Variants in SCLT1 observed in about 807,000 individuals in gnomAD.
The protein encoded by SCLT1 is sodium channel-associated protein 1.
A neutral mutation model predicts 112.8 loss-of-function variants in SCLT1; 78 were observed. The ratio of observed to expected loss-of-function variants is 0.69; its 90% CI spans 0.58 to 0.83. The LOEUF is 0.83. Among genes scored for constraint, SCLT1 ranks in the 40% least tolerant of loss-of-function variants. The pLI, the probability that SCLT1 is intolerant of heterozygous loss-of-function variation, is 0.00. For missense variants in SCLT1, 747 were observed against 770.4 expected (o/e 0.97, Z 0.36); for synonymous variants, 257 against 254.7 (o/e 1.01, Z -0.09).
Position 128,960,282 on chromosome 4 carries a change from C to G in SCLT1, c.870-505G>C, listed in dbSNP as rs185855098. Among the ~76,000 whole-genome samples the G allele has an allele frequency of 5.8e-3, 875 of 152,096 alleles. 7 individuals are homozygous for G. The highest frequency in any genetic ancestry group is 0.034 in the Middle Eastern group (10 of 294). ...TCATATGTACATATATATATATACTCATACACATATACACATAAATATACA... is the reference window on the plus strand; with the variant it reads ...TCATATGTACATATATATATATACTGATACACATATACACATAAATATACA... On this transcript the variant is annotated intron_variant, in intron 11 of 20. Coordinates refer to ENST00000281142, the MANE Select transcript of SCLT1 (RefSeq NM_144643.4).
intron 20 of SCLT1, 48 bp downstream of exon 20, chr4:128,888,631 C>G: frequency 9.1e-7 from 1 of 1,096,366 alleles, no homozygotes; most frequent in Non-Finnish European, 1.3e-6. Context: ...TTCTAAAAAA[C>G]TTATCTTTGA....
intron 4 of SCLT1, 105 bp from the exon 5 acceptor site, chr4:129,039,201 T>C: frequency 1.5e-6 from 1 of 669,128 alleles, no homozygotes. Context: ...AGTTTACAGA[T>C]AAGAAAGACT....
At chr4:128,955,103 C>T (rs914461013) in intron 13 of SCLT1, among the ~76,000 whole-genome samples, 1 of 152,076 alleles carries the variant, frequency 6.6e-6, no homozygotes, top group African/African-American at 2.4e-5. Context: ...GTATATCATA[C>T]GTAAACTTCT....
At chr4:128,975,836 C>A (rs1229998983) in intron 9 of SCLT1, among the ~76,000 whole-genome samples, 1 of 152,140 alleles carries the variant, frequency 6.6e-6, no homozygotes, top group African/African-American at 2.4e-5. Context: ...AGTACCAAAA[C>A]TGGATAAAGT....
chr4:128,901,234 T>C (rs1734264644), intron 18 of SCLT1, among the ~76,000 whole-genome samples: 1 of 152,166 alleles, frequency 6.6e-6, no homozygotes, highest in Non-Finnish European at 1.5e-5. Flanking sequence ...ATGTTTATTG[T>C]GGCACTATTC....
At chr4:128,921,914 A>G (rs1735914333) in intron 18 of SCLT1, among the ~76,000 whole-genome samples, 1 of 152,218 alleles carries the variant, frequency 6.6e-6, no homozygotes, top group African/African-American at 2.4e-5. Flanking sequence ...AAAGTCTAAT[A>G]TCCAGAATCT....
At chr4:128,956,610 T>G (rs1739234367) in intron 13 of SCLT1, among the ~76,000 whole-genome samples, 1 of 152,178 alleles carries the variant, frequency 6.6e-6, no homozygotes, top group Non-Finnish European at 1.5e-5. Context: ...GTACAGTGGC[T>G]TTATGGAAAT....
At chr4:129,064,449 T>C (rs1028754509) in intron 2 of SCLT1, among the ~76,000 whole-genome samples, 11 of 152,166 alleles carry the variant, frequency 7.2e-5, no homozygotes, top group Non-Finnish European at 1.2e-4. Flanking sequence ...ATTGTATAGA[T>C]TCACATCTCC....
chr4:128,884,393 CT>C lies in SCLT1; in HGVS notation c.*83del. 1 of 804,736 alleles carries C rather than the reference CT, an allele frequency of 1.2e-6. No homozygotes were observed. Among genetic ancestry groups the C allele is most frequent in the East Asian group, 2.5e-5 (1 of 40,526 alleles). 49.8% of individuals were successfully genotyped at this position (804,736 alleles called of 1,614,324 possible). ...AATAACACAAGCCTTAACTATTATACTTTGCAGGCTTTACCATTTCAATACA... is the reference window on the plus strand; with the variant it reads ...AATAACACAAGCCTTAACTATTATACTTGCAGGCTTTACCATTTCAATACA... On this transcript the variant is annotated 3_prime_UTR_variant, in exon 21 of 21. Transcript: ENST00000281142.
intron 18 of SCLT1, among the ~76,000 whole-genome samples, chr4:128,896,208 G>C (rs1174088723): frequency 2.6e-5 from 4 of 152,236 alleles, no homozygotes; most frequent in African/African-American, 9.6e-5. Context: ...CCAGCACGCA[G>C]CTGGAGATCT....
At chr4:128,959,223 G>A (rs997103565) in intron 12 of SCLT1, among the ~76,000 whole-genome samples, 1 of 151,876 alleles carries the variant, frequency 6.6e-6, no homozygotes, top group African/African-American at 2.4e-5. Context: ...AAGTAATTGA[G>A]TATATGATGA....
intron 2 of SCLT1, among the ~76,000 whole-genome samples, chr4:129,047,788 T>C (rs1748328326): frequency 6.6e-6 from 1 of 152,160 alleles, no homozygotes. Context: ...TATGTCTTCT[T>C]TTAGAGATGT....
At chr4:128,952,476 C>T in intron 14 of SCLT1, 1 of 521,612 alleles carries the variant, frequency 1.9e-6, no homozygotes, top group Non-Finnish European at 3.7e-6. Flanking sequence ...CTTGGTTTCC[C>T]AGATAAACTC....
chr4:129,020,324 C>A (rs917792352), intron 5 of SCLT1, among the ~76,000 whole-genome samples: 5 of 152,154 alleles, frequency 3.3e-5, no homozygotes, highest in African/African-American at 1.2e-4. Context: ...TGGTATCTGC[C>A]ATGCCCAGAC....
chr4:128,983,114 C>G (rs368911727), intron 9 of SCLT1, among the ~76,000 whole-genome samples: 5 of 152,108 alleles, frequency 3.3e-5, no homozygotes, highest in East Asian at 1.9e-4. Context: ...TCTCAAACTC[C>G]CGACCTCAGG....
At chr4:128,988,047 G>A (rs1186836754) in intron 9 of SCLT1, among the ~76,000 whole-genome samples, 2 of 151,940 alleles carry the variant, frequency 1.3e-5, no homozygotes, top group South Asian at 2.1e-4. Context: ...CACCGAACCT[G>A]TCTTACAAGA....
chr4:129,054,154 C>T (rs777203027), intron 2 of SCLT1, among the ~76,000 whole-genome samples: 6 of 152,058 alleles, frequency 3.9e-5, no homozygotes, highest in Non-Finnish European at 8.8e-5. Context: ...GTGGGTAACC[C>T]GACTTTTCTC....
At chr4:128,950,065 T>C (rs1738585867) in intron 14 of SCLT1, among the ~76,000 whole-genome samples, 1 of 152,166 alleles carries the variant, frequency 6.6e-6, no homozygotes, top group Non-Finnish European at 1.5e-5. Context: ...AATTTAAATT[T>C]AATATCTTTT....
intron 3 of SCLT1, among the ~76,000 whole-genome samples, chr4:128,877,631 A>C (rs1732551233): frequency 6.6e-6 from 1 of 152,046 alleles, no homozygotes; most frequent in Non-Finnish European, 1.5e-5. Context: ...CAGTGAGCTG[A>C]GATTGTGCCA....
Sources: gnomAD v4.1 joint callset for allele counts (sites outside exome capture counted in the v4.1 genomes callset) on GRCh38, gnomAD v4.1.1 for gene constraint, MANE v1.5 for transcripts, NCBI Gene and HGNC (gene_info 2026-07-23, HGNC 2026-07-21) for gene names.